Variants in KIF5C observed in about 807,000 individuals in gnomAD.
KIF5C encodes kinesin heavy chain isoform 5C.
KIF5C carries 18 observed loss-of-function variants against 125.2 expected under a neutral mutation model. The ratio of observed to expected loss-of-function variants is 0.14; its 90% CI spans 0.10 to 0.21. The LOEUF is 0.21. KIF5C is among the 10% of genes least tolerant of loss of function. The pLI is 1.00. For synonymous variants in KIF5C, 405 were observed against 434.0 expected (o/e 0.93, Z 0.83); for missense variants, 780 against 1,183.8 (o/e 0.66, Z 5.01).
At chr2:148,909,185 A>G (rs1298790676) in intron 1 of KIF5C, among the ~76,000 whole-genome samples, 1 of 152,042 alleles carries the variant, frequency 6.6e-6, no homozygotes, top group Non-Finnish European at 1.5e-5. Context: ...CCATCACCCC[A>G]TTGTACCATT....
At chr2:148,900,807 T>C (rs186870587) in intron 1 of KIF5C, among the ~76,000 whole-genome samples, 1 of 152,192 alleles carries the variant, frequency 6.6e-6, no homozygotes, top group Admixed American at 6.5e-5. Context: ...GTGATTATGG[T>C]TCAGTGTTGG....
chr2:148,974,554 T>C (rs190985380), intron 12 of KIF5C, among the ~76,000 whole-genome samples: 1 of 152,328 alleles, frequency 6.6e-6, no homozygotes, highest in East Asian at 1.9e-4. Context: ...TGAAAACACA[T>C]TTAATAAAAT....
At chr2:149,009,781 A>T (rs1422248994) in intron 23 of KIF5C, among the ~76,000 whole-genome samples, 1 of 152,182 alleles carries the variant, frequency 6.6e-6, no homozygotes, top group African/African-American at 2.4e-5. Flanking sequence ...CAGCTTTCTC[A>T]TGCTAATTTA....
rs925175380 is a variant in KIF5C, at chr2:148,949,020, G to A, written c.715-819G>A. ...TCCTTTATATGTGATTCGAATTTGCGTAGTTGAACATTGCTTCCCCACTTC... is the reference window on the plus strand; with the variant it reads ...TCCTTTATATGTGATTCGAATTTGCATAGTTGAACATTGCTTCCCCACTTC... On this transcript the variant is annotated intron_variant, in intron 8 of 25. Coordinates refer to ENST00000435030, the MANE Select transcript of KIF5C (RefSeq NM_004522.3). Among the ~76,000 whole-genome samples the A allele has an allele frequency of 8.5e-5, 13 of 152,112 alleles. 1 individual carries two copies. The highest frequency in any genetic ancestry group is 1.9e-4 in the East Asian group (1 of 5,182).
At chr2:149,001,699 C>T (rs1041221537) in intron 21 of KIF5C, among the ~76,000 whole-genome samples, 5 of 152,214 alleles carry the variant, frequency 3.3e-5, no homozygotes, top group African/African-American at 9.7e-5. Context: ...CCACAGCCTG[C>T]GCTTTAAGAC....
At chr2:148,992,712 A>T (rs1219611351) in intron 16 of KIF5C, among the ~76,000 whole-genome samples, 2 of 152,254 alleles carry the variant, frequency 1.3e-5, no homozygotes, top group Admixed American at 6.5e-5. Flanking sequence ...ATCAGGGGGA[A>T]ATAGTCCATA....
At chr2:148,935,324 T>C (rs1382123945) in intron 3 of KIF5C, among the ~76,000 whole-genome samples, 1 of 152,258 alleles carries the variant, frequency 6.6e-6, no homozygotes, top group Non-Finnish European at 1.5e-5. Flanking sequence ...AAATGATTTT[T>C]GGATTATCAA....
At position 148,876,665 on chromosome 2, in the gene KIF5C, A is replaced by AG; in HGVS notation, c.126+927dup. Among the ~76,000 whole-genome samples, 1 of 151,380 alleles carries AG rather than the reference A, an allele frequency of 6.6e-6. No homozygotes were observed. Among genetic ancestry groups the AG allele is most frequent in the South Asian group, 2.1e-4 (1 of 4,796 alleles). On this transcript the variant is annotated intron_variant, in intron 1 of 25. Transcript: ENST00000435030. The surrounding 1 kb of genome is among the most constrained non-coding windows in gnomAD (Gnocchi z 4.7). ...CCTCTCTGCAGCTGGGGCTGCTGGT[A>AG]GGGGGAGGGAACACCAATGGATTGT... is the stretch of plus-strand genomic sequence containing the variant.
intron 4 of KIF5C, among the ~76,000 whole-genome samples, chr2:148,937,740 T>C (rs1360301039): frequency 6.6e-6 from 1 of 152,238 alleles, no homozygotes; most frequent in Non-Finnish European, 1.5e-5. Context: ...CCTTGTGTTA[T>C]TAATGGTGGG....
chr2:149,019,435 G>T (rs937928452), intron 25 of KIF5C, among the ~76,000 whole-genome samples: 2 of 152,216 alleles, frequency 1.3e-5, no homozygotes, highest in African/African-American at 2.4e-5. Flanking sequence ...ATAACTGTAG[G>T]TAGGTGCTGC....
In KIF5C at chr2:148,981,850, G is replaced by T. The variant is rs116362286; in HGVS notation, c.1569+289G>T. On this transcript the variant is annotated intron_variant, in intron 14 of 25. Coordinates refer to ENST00000435030, the MANE Select transcript of KIF5C (RefSeq NM_004522.3). ...GAGTGCAGACTTTGGAGCCAGAAAA[G>T]TCTTAGTTACAAGTCTGACTTCATA... 7.5e-3 allele frequency among the ~76,000 whole-genome samples: 1,149 copies of T among 152,308 alleles called. 10 individuals are homozygous for T. The highest frequency in any genetic ancestry group is 0.026 in the African/African-American group (1,087 of 41,574).
At chr2:149,012,689 G>A (rs1188314851) in intron 25 of KIF5C, among the ~76,000 whole-genome samples, 1 of 152,246 alleles carries the variant, frequency 6.6e-6, no homozygotes, top group African/African-American at 2.4e-5. Context: ...CAGTGCCAAC[G>A]AGCAGGCCAG....
intron 11 of KIF5C, among the ~76,000 whole-genome samples, chr2:148,969,538 C>T (rs952406364): frequency 6.6e-6 from 1 of 151,338 alleles, no homozygotes. Flanking sequence ...TATAAGCCTC[C>T]GGGGCTAAAC....
chr2:149,012,672 C>T (rs1000722722), intron 25 of KIF5C, among the ~76,000 whole-genome samples: 1 of 152,234 alleles, frequency 6.6e-6, no homozygotes, highest in African/African-American at 2.4e-5. Flanking sequence ...ACCTGTGCTG[C>T]CCCAGGCAGT....
chr2:149,000,927 G>T, intron 21 of KIF5C, 145 bp downstream of exon 21: 1 of 1,423,754 alleles, frequency 7.0e-7, no homozygotes, highest in Non-Finnish European at 9.3e-7. Flanking sequence ...AGGATTTGTA[G>T]AATTTAGTCC....
At chr2:149,010,088 T>C (rs1558947113) in intron 23 of KIF5C, 47 bp from the exon 24 acceptor site, 1 of 1,508,910 alleles carries the variant, frequency 6.6e-7, no homozygotes, top group Non-Finnish European at 8.9e-7. Context: ...GTTTGTGCAA[T>C]GCTGCCTGCC....
At chr2:149,003,912 T>C (rs1348994804) in intron 21 of KIF5C, among the ~76,000 whole-genome samples, 1 of 152,190 alleles carries the variant, frequency 6.6e-6, no homozygotes, top group Non-Finnish European at 1.5e-5. Context: ...CAATCAGTAA[T>C]GAAACCACTG....
At chr2:148,884,139 C>G (rs1018558676) in intron 1 of KIF5C, 2 of 152,170 alleles carry the variant, frequency 1.3e-5, no homozygotes, top group East Asian at 3.9e-4. Context: ...ATGGCAATGC[C>G]TTCAGACTTT....
chr2:148,883,388 C>T (rs1681422555), intron 1 of KIF5C: 1 of 152,036 alleles, frequency 6.6e-6, no homozygotes, highest in Non-Finnish European at 1.5e-5. Context: ...GTAGTCCCAG[C>T]TACTTGGGAG....
Sources: allele counts gnomAD v4.1 joint callset (sites outside exome capture counted in the v4.1 genomes callset), GRCh38; gene constraint gnomAD v4.1.1; non-coding constraint Gnocchi (gnomAD v3.1); transcripts MANE v1.5; gene names NCBI Gene and HGNC (gene_info 2026-07-23, HGNC 2026-07-21).